XKR7: variants seen among roughly 807,000 people sequenced by gnomAD.
XKR7 encodes XK related 7, also known as XK-related protein 7.
XKR7 carries 11 observed loss-of-function variants against 42.2 expected under a neutral mutation model. The ratio of observed to expected loss-of-function variants is 0.26; its 90% confidence interval spans 0.16 to 0.43. XKR7 has a LOEUF of 0.43. Ranked by LOEUF, XKR7 falls within the 20% of genes least tolerant of loss-of-function variation. The probability of loss-of-function intolerance (pLI) is 1.00; values close to 1 mark genes in which losing one functional copy is unlikely to be tolerated. For synonymous variants in XKR7, 346 were observed against 366.4 expected (o/e 0.94, Z 0.64); for missense variants, 710 against 802.2 (o/e 0.89, Z 1.39).
rs2122285377 is a variant in XKR7, at chr20:31,997,612, G to A, written c.*155G>A. ...ACTCTTGGGTTCTTTCAGGGGAGGG[G>A]GCAGCCTTGCGGAGGCCCCAGCCCT... is the stretch of plus-strand genomic sequence containing the variant. On this transcript the variant is annotated 3_prime_UTR_variant, in exon 3 of 3. Coordinates refer to ENST00000562532, the MANE Select transcript of XKR7 (RefSeq NM_001011718.2). 1.3e-6 allele frequency: 1 copy of A among 750,508 alleles called. No individual in the cohort carries two copies. Among genetic ancestry groups the A allele is most frequent in the East Asian group, 2.7e-5 (1 of 36,584 alleles). The allele number at this position is 750,508 out of a possible 1,614,324, so 46.5% of individuals were successfully genotyped here.
chr20:31,968,334 G>T lies in XKR7; in HGVS notation c.159G>T (p.Glu53Asp), dbSNP rs1287410694. The change falls in exon 1 of 3, where the codon GAG becomes GAT. Residue 53 changes from glutamate (E) to aspartate (D), a missense_variant. By Grantham distance (45) the Glu-to-Asp change is conservative. Coordinates refer to ENST00000562532, the MANE Select transcript of XKR7 (RefSeq NM_001011718.2). This position sits in a 1 kb window ranked among gnomAD's most constrained non-coding sequence, Gnocchi z 4.5. ...CGGGCGGCCCGGGGCCGCGCTACGA[G>T]CTGCGGGACTGCTGCTGGGTGCTGT... Reference protein sequence around the residue: ...VGAGGPGPRYELRDCCWVLCA... With the variant: ...VGAGGPGPRYDLRDCCWVLCA... The T allele has an allele frequency of 3.9e-6, 6 of 1,547,900 alleles. No individual in the cohort carries two copies. The African/African-American group carries it at 8.4e-5, about 22-fold the overall frequency.
At chr20:31,992,318 C>T (rs769497169) in intron 1 of XKR7, among the ~76,000 whole-genome samples, 1 of 152,154 alleles carries the variant, frequency 6.6e-6, no homozygotes, top group Non-Finnish European at 1.5e-5. Context: ...ATCATTCTGG[C>T]TGCAGGGATC....
At chr20:31,991,051 A>AGC (rs2064568529) in intron 1 of XKR7, among the ~76,000 whole-genome samples, 1 of 152,074 alleles carries the variant, frequency 6.6e-6, no homozygotes, top group Non-Finnish European at 1.5e-5. Flanking sequence ...GGGCTGTGTG[A>AGC]GCCCTTTGTC....
chr20:31,997,829 C>G lies in XKR7; in HGVS notation c.*372C>G. ...AAGGGCACTGTCTGGGGTCCATGAC[C>G]TAGACCCTGTGCTCCTCAGGGGTTG... On this transcript the variant is annotated 3_prime_UTR_variant, in exon 3 of 3. Coordinates refer to ENST00000562532, the MANE Select transcript of XKR7 (RefSeq NM_001011718.2). The G allele has an allele frequency of 4.1e-6, 1 of 246,546 alleles. No individual in the cohort carries two copies. The highest frequency in any genetic ancestry group is 7.9e-6 in the Non-Finnish European group (1 of 127,102). 15.3% of individuals were successfully genotyped at this position (246,546 alleles called of 1,614,324 possible). A position where few individuals can be genotyped will look rare whatever the true frequency, so the allele number is the denominator to read the frequency against.
rs1398854410 is a variant in XKR7, at chr20:31,968,341, G to A, written c.166G>A (p.Asp56Asn). Residue 56 changes from aspartate to asparagine, a missense_variant, in exon 1 of 3, where the codon GAC becomes AAC. Around this residue, in one of 2 missense-constraint regions of XKR7, gnomAD observed 708 missense variants for 786.2 expected, o/e 0.90. Coordinates refer to ENST00000562532, the MANE Select transcript of XKR7 (RefSeq NM_001011718.2). This position sits in a 1 kb window ranked among gnomAD's most constrained non-coding sequence, Gnocchi z 4.5. ...CCCGGGGCCGCGCTACGAGCTGCGG[G>A]ACTGCTGCTGGGTGCTGTGCGCGCT... ...GGPGPRYELRDCCWVLCALLV... is the reference protein window; with the variant it reads ...GGPGPRYELRNCCWVLCALLV... 1 of 1,583,374 alleles carries A rather than the reference G, an allele frequency of 6.3e-7. No homozygotes were observed. The highest frequency in any genetic ancestry group is 2.4e-5 in the East Asian group (1 of 42,016).
intron 1 of XKR7, among the ~76,000 whole-genome samples, chr20:31,976,343 G>A (rs1025423343): frequency 2.6e-5 from 4 of 152,086 alleles, no homozygotes; most frequent in African/African-American, 7.2e-5. Context: ...ATCATGTATT[G>A]TTTAGAGAAG....
chr20:31,990,601 C>T (rs565642110), intron 1 of XKR7, among the ~76,000 whole-genome samples: 1 of 152,322 alleles, frequency 6.6e-6, no homozygotes, highest in South Asian at 2.1e-4. Context: ...TTTGTGGGCA[C>T]CACATCTATC....
chr20:31,994,103 C>T (rs1382559164), intron 1 of XKR7, among the ~76,000 whole-genome samples: 2 of 152,180 alleles, frequency 1.3e-5, no homozygotes, highest in Non-Finnish European at 2.9e-5. Flanking sequence ...GAGCACCTTC[C>T]TTGCACCCTG....
chr20:31,991,986 G>A (rs193213048), intron 1 of XKR7, among the ~76,000 whole-genome samples: 59 of 152,176 alleles, frequency 3.9e-4, no homozygotes, highest in Admixed American at 7.8e-4. Context: ...GCATGATGGC[G>A]TATGCCTGTA....
intron 1 of XKR7, among the ~76,000 whole-genome samples, chr20:31,976,669 G>T (rs2064486954): frequency 6.6e-6 from 1 of 152,198 alleles, no homozygotes; most frequent in Non-Finnish European, 1.5e-5. Flanking sequence ...ACAGGCGTGA[G>T]CCACCACACC....
At chr20:31,980,096 A>G (rs1486180204) in intron 1 of XKR7, among the ~76,000 whole-genome samples, 1 of 151,224 alleles carries the variant, frequency 6.6e-6, no homozygotes, top group Non-Finnish European at 1.5e-5. Context: ...TTAGGGCCTA[A>G]AATTAGTGGC....
rs766362954 is a variant in XKR7, at chr20:31,996,524, C to T, written c.807C>T (p.Ser269=). 6.7e-6 allele frequency: 10 copies of T among 1,494,618 alleles called. No homozygotes were observed. The South Asian group carries it at 1.1e-4, about 16-fold the overall frequency. The allele number at this position is 1,494,618 out of a possible 1,614,324, so 92.6% of individuals were successfully genotyped here. A position where few individuals can be genotyped will look rare whatever the true frequency, so the allele number is the denominator to read the frequency against. ...CCACAGCCCTCTCCACCTCCGCCTCCCTCGTGTCTCTGGCCTGGACGCTGG... is the reference window on the plus strand; with the variant it reads ...CCACAGCCCTCTCCACCTCCGCCTCTCTCGTGTCTCTGGCCTGGACGCTGG... ...DLLPALSTSA[S]LVSLAWTLAS... is the part of the protein sequence containing the mutation. Residue 269 remains serine, a synonymous_variant, in exon 3 of 3, where the codon TCC becomes TCT. Coordinates refer to ENST00000562532, the MANE Select transcript of XKR7 (RefSeq NM_001011718.2).
chr20:31,988,472 T>A (rs1160348872), intron 1 of XKR7, among the ~76,000 whole-genome samples: 1 of 152,178 alleles, frequency 6.6e-6, no homozygotes, highest in Admixed American at 6.5e-5. Flanking sequence ...TAGCTTCTAC[T>A]CTTCTCTCTA....
chr20:31,977,699 C>G (rs533366110), intron 1 of XKR7, among the ~76,000 whole-genome samples: 1 of 152,108 alleles, frequency 6.6e-6, no homozygotes, highest in Admixed American at 6.6e-5. Context: ...CCACTGACCC[C>G]CTATCGAGGA....
intron 1 of XKR7, among the ~76,000 whole-genome samples, chr20:31,971,942 G>A (rs1243928883): frequency 6.6e-6 from 1 of 151,964 alleles, no homozygotes; most frequent in Non-Finnish European, 1.5e-5. Flanking sequence ...TGGGAAATTG[G>A]GATTTTTCCG....
rs368695428 is a variant in XKR7, at chr20:31,971,426, C to T, written c.584+2667C>T. Among the ~76,000 whole-genome samples, 22 of 152,306 alleles carry T rather than the reference C, an allele frequency of 1.4e-4. 1 individual carries two copies. The South Asian group carries it at 3.9e-3, about 27-fold the overall frequency. On this transcript the variant is annotated intron_variant, in intron 1 of 2. Coordinates refer to ENST00000562532, the MANE Select transcript of XKR7 (RefSeq NM_001011718.2). ...CAAAGCAAAAGCCTCTGGGCCCTTG[C>T]CCCCAAAATCTTTGGATTCTAAAAT...
intron 1 of XKR7, among the ~76,000 whole-genome samples, chr20:31,981,763 C>T (rs548667973): frequency 8.3e-4 from 126 of 152,306 alleles, no homozygotes; most frequent in African/African-American, 2.8e-3. Flanking sequence ...TTCACGTCTC[C>T]ACTTCGTGTC....
chr20:31,975,543 G>A (rs1028870028), intron 1 of XKR7, among the ~76,000 whole-genome samples: 4 of 151,988 alleles, frequency 2.6e-5, no homozygotes, highest in African/African-American at 9.7e-5. Context: ...GCTACCCTCT[G>A]CCCCCCAGAA....
chr20:31,982,771 G>A (rs758126416), intron 1 of XKR7, among the ~76,000 whole-genome samples: 1 of 152,102 alleles, frequency 6.6e-6, no homozygotes, highest in Non-Finnish European at 1.5e-5. Context: ...AGTGTCCCTC[G>A]GGGACAGGTT....
Sources: gnomAD v4.1 joint callset for allele counts (sites outside exome capture counted in the v4.1 genomes callset) on GRCh38, gnomAD v4.1.1 for gene constraint, gnomAD v4.1.1 regional missense constraint, Gnocchi (gnomAD v3.1) non-coding constraint, MANE v1.5 for transcripts, NCBI Gene and HGNC (gene_info 2026-07-23, HGNC 2026-07-21) for gene names.